Variants in KIZ observed in about 807,000 individuals in gnomAD.
The protein encoded by KIZ is kizuna centrosomal protein, also known as centrosomal protein kizuna.
KIZ carries 68 observed loss-of-function variants against 79.6 expected under a neutral mutation model. The ratio of observed to expected loss-of-function variants is 0.85; its 90% CI spans 0.70 to 1.05. The LOEUF is 1.05. Ranked by LOEUF, KIZ falls within the 50% of genes least tolerant of loss-of-function variation. The pLI is 0.00. For synonymous variants in KIZ, 280 were observed against 281.8 expected (o/e 0.99, Z 0.06); for missense variants, 797 against 800.4 (o/e 1.00, Z 0.05).
intron 3 of KIZ, among the ~76,000 whole-genome samples, chr20:21,144,503 C>A (rs2032743237): frequency 6.6e-6 from 1 of 151,894 alleles, no homozygotes; most frequent in Non-Finnish European, 1.5e-5. Flanking sequence ...ATTATTTTAT[C>A]ATTTGTACTG....
chr20:21,155,814 A>AT (rs1340566013), intron 4 of KIZ, among the ~76,000 whole-genome samples: 1 of 152,228 alleles, frequency 6.6e-6, no homozygotes, highest in Non-Finnish European at 1.5e-5. Flanking sequence ...TTATAGTCAT[A>AT]TAAGTTGCTT....
Position 21,205,490 on chromosome 20 carries a change from G to C in KIZ, c.1353-1G>C, listed in dbSNP as rs755735340. 5.7e-6 allele frequency: 8 copies of C among 1,414,290 alleles called. No individual in the cohort carries two copies. The highest frequency in any genetic ancestry group is 1.4e-5 in the African/African-American group (1 of 70,058). 87.6% of individuals were successfully genotyped at this position (1,414,290 alleles called of 1,614,324 possible). A position where few individuals can be genotyped will look rare whatever the true frequency, so the allele number is the denominator to read the frequency against. Reference sequence around the variant, plus strand: ...GTGAGTGTCCTGTTTCTGTTTTATAGACCTGGACAAACACCAGACTCAGAC... The same window carrying C: ...GTGAGTGTCCTGTTTCTGTTTTATACACCTGGACAAACACCAGACTCAGAC... On this transcript the variant is annotated splice_acceptor_variant, in intron 6 of 12. Transcript: ENST00000619189. LOFTEE classifies it high-confidence loss of function.
At chr20:21,131,336 C>G (rs2031828662) in intron 1 of KIZ, among the ~76,000 whole-genome samples, 1 of 152,226 alleles carries the variant, frequency 6.6e-6, no homozygotes, top group African/African-American at 2.4e-5. Context: ...TCCAGGAAAA[C>G]AGCAACCTGT....
At chr20:21,209,403 A>G (rs937488496) in intron 7 of KIZ, among the ~76,000 whole-genome samples, 2 of 152,226 alleles carry the variant, frequency 1.3e-5, no homozygotes, top group African/African-American at 4.8e-5. Context: ...GGAGAACTTT[A>G]TCACAGCAGA....
rs768737628 is a variant in KIZ, at chr20:21,162,987, C to T, written c.1180C>T (p.Pro394Ser). Residue 394 changes from proline to serine, a missense_variant, in exon 6 of 13, where the codon CCA (proline) becomes TCA (serine). Coordinates refer to ENST00000619189, the MANE Select transcript of KIZ (RefSeq NM_018474.6). ...TGATCTGATTTTAGAGAGCCCAGAA[C>T]CACAGCCAAATCCAGGTGGCAAGAT... ...EDDLILESPE[P>S]QPNPGGKMEG... 48 of 1,613,858 alleles carry T rather than the reference C, an allele frequency of 3.0e-5. 1 individual carries two copies. The South Asian group carries it at 5.1e-4, about 17-fold the overall frequency.
intron 1 of KIZ, among the ~76,000 whole-genome samples, 194 bp downstream of exon 1, chr20:21,126,398 GGA>G (rs1471540747): frequency 6.6e-6 from 1 of 152,024 alleles, no homozygotes; most frequent in Non-Finnish European, 1.5e-5. Context: ...GGGTGGGAGC[GGA>G]GAGAGGTGAG....
chr20:21,222,221 A>T (rs982150600), intron 9 of KIZ, among the ~76,000 whole-genome samples: 1 of 152,206 alleles, frequency 6.6e-6, no homozygotes, highest in Non-Finnish European at 1.5e-5. Context: ...TCTGGACTGG[A>T]TGCTTCTATA....
At position 21,157,926 on chromosome 20, in the gene KIZ, T is replaced by C. The variant is rs117599673; in HGVS notation, c.406-3945T>C. Among the ~76,000 whole-genome samples the C allele has an allele frequency of 9.8e-4, 149 of 152,278 alleles. 3 individuals carry two copies. The highest frequency in any genetic ancestry group is 1.1e-3 in the Non-Finnish European group (74 of 68,010). On this transcript the variant is annotated intron_variant, in intron 4 of 12. Coordinates refer to ENST00000619189, the MANE Select transcript of KIZ (RefSeq NM_018474.6). ...ATGAAAAATTAAAGGCTTCTCAGAC[T>C]CCTAAGTCTGATCACTGATTTGCTT... is the stretch of plus-strand genomic sequence containing the variant.
At chr20:21,138,926 CTTTTTTTTTTT>C (rs35551816) in intron 3 of KIZ, 7 of 95,450 alleles carry the variant, frequency 7.3e-5, no homozygotes, top group African/African-American at 1.7e-4. Context: ...CTTTCAACCT[CTTTTTTTTTTT>C]TTTTTTTTTT....
chr20:21,245,480 T>TA (rs1390452665), intron 12 of KIZ: 5 of 152,262 alleles, frequency 3.3e-5, no homozygotes, highest in African/African-American at 1.2e-4. Context: ...CATTAATACT[T>TA]ACCTTGCCAG....
intron 1 of KIZ, among the ~76,000 whole-genome samples, chr20:21,127,421 T>C (rs1378024600): frequency 6.6e-6 from 1 of 152,228 alleles, no homozygotes; most frequent in Non-Finnish European, 1.5e-5. Flanking sequence ...TAAGTTATTT[T>C]TGTTTCCTGT....
chr20:21,214,696 A>T lies in KIZ; in HGVS notation c.1608A>T (p.Glu536Asp). The change falls in exon 8 of 13, where the codon GAA (glutamate) becomes GAT (aspartate). Residue 536 changes from glutamate to aspartate, a missense_variant. By Grantham distance (45) the Glu-to-Asp change is conservative (BLOSUM62 2). Transcript: ENST00000619189. ...AVWLNSVPTR[E>D]QEVSSGCGDK... Reference sequence around the variant, plus strand: ...GGCTCAACAGTGTTCCTACAAGGGAACAAGGTAACTATTGTTAAAGTGTGT... The same window carrying T: ...GGCTCAACAGTGTTCCTACAAGGGATCAAGGTAACTATTGTTAAAGTGTGT... 1 of 1,609,256 alleles carries T rather than the reference A, an allele frequency of 6.2e-7. No homozygotes were observed. Among genetic ancestry groups the T allele is most frequent in the South Asian group, 1.1e-5 (1 of 90,906 alleles).
At position 21,161,833 on chromosome 20, in the gene KIZ, C is replaced by T. The variant is rs751870822; in HGVS notation, c.406-38C>T. The T allele has an allele frequency of 2.7e-5, 39 of 1,471,316 alleles. No homozygotes were observed. The Admixed American group carries it at 2.8e-4, about 11-fold the overall frequency. The allele number at this position is 1,471,316 out of a possible 1,614,324, so 91.1% of individuals were successfully genotyped here. A position where few individuals can be genotyped will look rare whatever the true frequency, so the allele number is the denominator to read the frequency against. On this transcript the variant is annotated intron_variant, in intron 4 of 12. Transcript: ENST00000619189. ...AAAAAACCCCACCTAATTGTTTATA[C>T]ACAGTATGTTTAACTCACATCTCTT...
chr20:21,168,456 T>C (rs367692596), intron 6 of KIZ, among the ~76,000 whole-genome samples: 2 of 152,130 alleles, frequency 1.3e-5, no homozygotes, highest in East Asian at 3.9e-4. Context: ...TGGAAGAACA[T>C]TCCATGCTCA....
chr20:21,192,465 A>G (rs1174564812), intron 6 of KIZ, among the ~76,000 whole-genome samples: 1 of 151,992 alleles, frequency 6.6e-6, no homozygotes, highest in African/African-American at 2.4e-5. Flanking sequence ...CTTTTGAAAT[A>G]CAATTTCCTT....
At chr20:21,157,482 T>G (rs1258209114) in intron 4 of KIZ, among the ~76,000 whole-genome samples, 1 of 152,216 alleles carries the variant, frequency 6.6e-6, no homozygotes. Flanking sequence ...CTCCTCTTTT[T>G]GGGAAATAAA....
chr20:21,149,941 G>C (rs2033036480), intron 4 of KIZ, among the ~76,000 whole-genome samples: 1 of 152,242 alleles, frequency 6.6e-6, no homozygotes, highest in South Asian at 2.1e-4. Context: ...GTCCCAGGAA[G>C]CACAGATAGA....
At chr20:21,170,396 T>TC (rs1445667941) in intron 6 of KIZ, among the ~76,000 whole-genome samples, 1 of 151,760 alleles carries the variant, frequency 6.6e-6, no homozygotes, top group East Asian at 1.9e-4. Context: ...TAGATCTTTT[T>TC]TTTTTTTTTT....
chr20:21,177,278 C>T (rs972403988), intron 6 of KIZ, among the ~76,000 whole-genome samples: 6 of 152,052 alleles, frequency 3.9e-5, no homozygotes, highest in African/African-American at 1.2e-4. Flanking sequence ...TGTGAATAGT[C>T]GTATGAACTG....
Sources: gnomAD v4.1 joint callset for allele counts (sites outside exome capture counted in the v4.1 genomes callset) on GRCh38, gnomAD v4.1.1 for gene constraint, MANE v1.5 for transcripts, NCBI Gene and HGNC (gene_info 2026-07-23, HGNC 2026-07-21) for gene names.